The following PPP3CA variants were observed in gnomAD, a reference collection of about 807,000 sequenced individuals.
PPP3CA encodes CAM-PRP catalytic subunit.
PPP3CA carries 14 observed loss-of-function variants against 66.5 expected under a neutral mutation model. That is an observed-to-expected ratio of 0.21 (90% CI 0.14 to 0.33). The LOEUF is 0.33. PPP3CA is among the 10% of genes least tolerant of loss of function. PPP3CA has a pLI of 1.00. For missense variants in PPP3CA, 317 were observed against 639.5 expected (o/e 0.50, Z 5.44); for synonymous variants, 232 against 226.2 (o/e 1.03, Z -0.23).
At chr4:101,108,532 G>A (rs555556981) in intron 3 of PPP3CA, among the ~76,000 whole-genome samples, 9 of 152,296 alleles carry the variant, frequency 5.9e-5, no homozygotes, top group East Asian at 3.9e-4. Context: ...TTGGCAGGCC[G>A]AGGTGGGCGG....
chr4:101,042,844 C>T (rs1319280622), intron 10 of PPP3CA, among the ~76,000 whole-genome samples: 2 of 149,516 alleles, frequency 1.3e-5, no homozygotes, highest in African/African-American at 4.9e-5. Context: ...GCAAATAGTC[C>T]CCTTAGGGTG....
intron 1 of PPP3CA, among the ~76,000 whole-genome samples, chr4:101,313,717 C>T (rs948296671): frequency 6.6e-6 from 1 of 152,164 alleles, no homozygotes; most frequent in Non-Finnish European, 1.5e-5. Flanking sequence ...ATTAAACTGA[C>T]TCTAAAAATT....
intron 2 of PPP3CA, among the ~76,000 whole-genome samples, chr4:101,169,323 C>T (rs530820161): frequency 7.2e-5 from 11 of 152,270 alleles, no homozygotes; most frequent in South Asian, 4.1e-4. Context: ...AGAAGATGCT[C>T]AGTCAGCAGC....
intron 10 of PPP3CA, among the ~76,000 whole-genome samples, chr4:101,047,297 G>A (rs1727809194): frequency 6.6e-6 from 1 of 152,128 alleles, no homozygotes; most frequent in African/African-American, 2.4e-5. Flanking sequence ...TGATGGAATG[G>A]CTTCAAAATT....
chr4:101,196,234 G>T, intron 1 of PPP3CA, 118 bp from the exon 2 acceptor site: 4 of 923,784 alleles, frequency 4.3e-6, no homozygotes, highest in Non-Finnish European at 6.4e-6. Flanking sequence ...TTTTAGAGTG[G>T]CTGAATTAAA....
At chr4:101,182,380 T>G (rs950369164) in intron 2 of PPP3CA, among the ~76,000 whole-genome samples, 3 of 152,086 alleles carry the variant, frequency 2.0e-5, no homozygotes, top group Admixed American at 1.3e-4. Flanking sequence ...AGAAAGACCT[T>G]GCTATCTGAG....
intron 1 of PPP3CA, among the ~76,000 whole-genome samples, chr4:101,306,844 T>C (rs886359247): frequency 6.6e-6 from 1 of 152,176 alleles, no homozygotes; most frequent in Non-Finnish European, 1.5e-5. Context: ...TCTGTTTGTT[T>C]AGTTGTGGTA....
At chr4:101,296,801 C>T (rs1728214090) in intron 1 of PPP3CA, among the ~76,000 whole-genome samples, 1 of 152,108 alleles carries the variant, frequency 6.6e-6, no homozygotes, top group South Asian at 2.1e-4. Context: ...AAAAGTCATA[C>T]ATCTAAAAGT....
rs569765595 is a variant in PPP3CA, at chr4:101,040,560, G to A, written c.1163C>T (p.Thr388Ile). The stretch of plus-strand genomic sequence containing the variant: ...TATCACCTCTTTCCGGGCTGCAGCT[G>A]TTGCACCTGTATTTTCAAACAGAGT... ...GSEEDGFDGATAAARKEVIRN... is the reference protein window; with the variant it reads ...GSEEDGFDGAIAAARKEVIRN... Residue 388 changes from threonine (T) to isoleucine (I), a missense_variant, in exon 11 of 14, where the codon ACA becomes ATA. This residue lies in a region of PPP3CA where 201 missense variants were observed against 501.4 expected (regional missense o/e 0.40). Coordinates refer to ENST00000394854, the MANE Select transcript of PPP3CA (RefSeq NM_000944.5). The A allele has an allele frequency of 1.2e-6, 2 of 1,610,920 alleles. No homozygotes were observed. The highest frequency in any genetic ancestry group is 1.1e-5 in the South Asian group (1 of 90,428).
intron 1 of PPP3CA, among the ~76,000 whole-genome samples, chr4:101,334,713 T>C (rs569508958): frequency 6.0e-4 from 92 of 152,162 alleles, no homozygotes; most frequent in Non-Finnish European, 1.1e-3. Context: ...CACTTTGAAG[T>C]CACCCCAAAT....
At position 101,347,330 on chromosome 4, in the gene PPP3CA, CGCT is replaced by C; in HGVS notation, c.-537_-535del. ...GCGGAGAGGCGGCCGCCGCTGCTGC[CGCT>C]GCTGCTGCCGCTGCCGCTGTTGCTG... is the stretch of plus-strand genomic sequence containing the variant. On this transcript the variant is annotated 5_prime_UTR_variant, in exon 1 of 14. Transcript: ENST00000394854. 4.9e-6 allele frequency: 1 copy of C among 203,980 alleles called. No homozygotes were observed. The highest frequency in any genetic ancestry group is 6.9e-5 in the South Asian group (1 of 14,476). 12.6% of individuals were successfully genotyped at this position (203,980 alleles called of 1,614,324 possible).
Position 101,063,374 on chromosome 4 carries a change from G to T in PPP3CA, c.956-17C>A, listed in dbSNP as rs750904321. ...ATACTGCAGCTAAAAATAACCAAAA[G>T]AGGATGTTAGGAACACAGAACATAT... On this transcript the variant is annotated splice_polypyrimidine_tract_variant and intron_variant, in intron 8 of 13. Transcript: ENST00000394854. The T allele has an allele frequency of 2.5e-5, 40 of 1,599,764 alleles. No homozygotes were observed. The highest frequency in any genetic ancestry group is 3.3e-5 in the Non-Finnish European group (39 of 1,172,950).
intron 2 of PPP3CA, among the ~76,000 whole-genome samples, chr4:101,163,418 G>A (rs964185782): frequency 2.0e-5 from 3 of 152,088 alleles, no homozygotes; most frequent in African/African-American, 7.2e-5. Flanking sequence ...ATATGCATTG[G>A]CCCACAAGTC....
chr4:101,201,880 A>G (rs947640231), intron 1 of PPP3CA, among the ~76,000 whole-genome samples: 1 of 152,152 alleles, frequency 6.6e-6, no homozygotes, highest in African/African-American at 2.4e-5. Flanking sequence ...TAATCAATCA[A>G]CCAGCAGCAC....
At chr4:101,311,493 C>T (rs1336941729) in intron 1 of PPP3CA, among the ~76,000 whole-genome samples, 1 of 152,182 alleles carries the variant, frequency 6.6e-6, no homozygotes, top group Non-Finnish European at 1.5e-5. Flanking sequence ...AAGATACCAC[C>T]TCTTGGCCAG....
At chr4:101,299,061 T>A (rs991889035) in intron 1 of PPP3CA, among the ~76,000 whole-genome samples, 1 of 151,772 alleles carries the variant, frequency 6.6e-6, no homozygotes, top group African/African-American at 2.4e-5. Context: ...ATATCAATAA[T>A]TTCTCTTAAT....
At chr4:101,312,814 G>A (rs1035012453) in intron 1 of PPP3CA, among the ~76,000 whole-genome samples, 11 of 152,228 alleles carry the variant, frequency 7.2e-5, no homozygotes, top group Non-Finnish European at 5.9e-5. Context: ...GTAAGCATAA[G>A]TGCTTTCTCC....
At chr4:101,105,367 A>T (rs1434305542) in intron 3 of PPP3CA, among the ~76,000 whole-genome samples, 1 of 151,694 alleles carries the variant, frequency 6.6e-6, no homozygotes, top group East Asian at 1.9e-4. Flanking sequence ...GAGTTTCACC[A>T]TGTTGGCCAG....
intron 2 of PPP3CA, among the ~76,000 whole-genome samples, chr4:101,172,828 C>T (rs1443129996): frequency 2.6e-5 from 4 of 152,146 alleles, no homozygotes; most frequent in Non-Finnish European, 4.4e-5. Flanking sequence ...CTAAAACCCA[C>T]GTCCTCACTT....
Sources: allele counts gnomAD v4.1 joint callset (sites outside exome capture counted in the v4.1 genomes callset), GRCh38; gene constraint gnomAD v4.1.1; regional missense constraint gnomAD v4.1.1; transcripts MANE v1.5; gene names NCBI Gene and HGNC (gene_info 2026-07-23, HGNC 2026-07-21).